NOTCH4: variants seen among roughly 807,000 people sequenced by gnomAD.
The protein encoded by NOTCH4 is neurogenic locus notch homolog protein 4.
Under a neutral mutation model 189.0 loss-of-function variants are expected in NOTCH4, and 138 were observed. The observed-to-expected ratio is 0.73, with a 90% confidence interval of 0.64 to 0.84. The LOEUF (loss-of-function observed/expected upper bound fraction) is 0.84. Among genes scored for constraint, NOTCH4 ranks in the 40% least tolerant of loss-of-function variants. NOTCH4 has a pLI of 0.00. For missense variants in NOTCH4, 2,286 were observed against 2,605.4 expected, an observed-to-expected ratio of 0.88 and a Z score of 2.67; for synonymous variants, 942 against 1,032.8, an observed-to-expected ratio of 0.91 and a Z score of 1.69.
chr6:32,216,613 G>A, intron 11 of NOTCH4: 1 of 453,706 alleles, frequency 2.2e-6, no homozygotes, highest in Non-Finnish European at 4.1e-6. Context: ...GATGGCAACT[G>A]TCTTACTCAG....
chr6:32,219,597 G>A lies in NOTCH4; in HGVS notation c.1505C>T (p.Pro502Leu), dbSNP rs759399611. 2.7e-5 allele frequency: 44 copies of A among 1,612,438 alleles called. No individual in the cohort carries two copies. The highest frequency in any genetic ancestry group is 3.3e-5 in the Non-Finnish European group (39 of 1,179,788). Residue 502 changes from proline (P) to leucine (L), a missense_variant, in exon 8 of 30, where the codon CCG (proline) becomes CTG (leucine). Physicochemically the swap from Pro to Leu is moderately conservative, Grantham distance 98 (BLOSUM62 -3). Transcript: ENST00000375023. The part of the protein sequence containing the change: ...DLLATFHCLC[P>L]PGLEGQLCEV... ...AGGCCCCATCCAGCTGATACCTGGC[G>A]GGCAGAGGCAGTGGAAGGTGGCAAG...
At chr6:32,206,010 C>T (rs903123808) in intron 18 of NOTCH4, among the ~76,000 whole-genome samples, 2 of 151,608 alleles carry the variant, frequency 1.3e-5, no homozygotes, top group African/African-American at 4.9e-5. Context: ...ACATTCCAGC[C>T]TGAGTGACAG....
rs887814717 is a variant in NOTCH4, at chr6:32,220,771, G to A, written c.907C>T (p.Pro303Ser). ...AACAACTCACCTGTCCAGGTTTCTG[G>A]GCAGAGGCAGGTGTAGGTGTCCAGC... ...DGLDTYTCLC[P>S]ETWTGWDCSE... The change falls in exon 5 of 30, where the codon CCA becomes TCA. Residue 303 changes from proline to serine, a missense_variant. Physicochemically the swap from Pro to Ser is moderately conservative, Grantham distance 74 (BLOSUM62 -1). This residue lies in a region of NOTCH4 where 1,903 missense variants were observed against 2,261.9 expected (regional missense o/e 0.84). Coordinates refer to ENST00000375023, the MANE Select transcript of NOTCH4 (RefSeq NM_004557.4). The A allele has an allele frequency of 2.0e-5, 32 of 1,614,048 alleles. No individual in the cohort carries two copies. Among genetic ancestry groups the A allele is most frequent in the Non-Finnish European group, 2.6e-5 (31 of 1,180,020 alleles).
Position 32,195,881 on chromosome 6 carries a change from C to T in NOTCH4, c.5568G>A (p.Gly1856=), listed in dbSNP as rs767989997. Residue 1856 remains glycine (G), a synonymous_variant, in exon 30 of 30, where the codon GGG becomes GGA. Coordinates refer to ENST00000375023, the MANE Select transcript of NOTCH4 (RefSeq NM_004557.4). The surrounding 1 kb of genome is among the most constrained non-coding windows in gnomAD (Gnocchi z 5.4). ...VSVSVPPHGG[G]ALPRCRTLSA... Reference sequence around the variant, plus strand: ...ACAGCGTCCGGCAGCGCGGCAGAGCCCCGCCCCCATGCGGGGGCACGCTTA... The same window carrying T: ...ACAGCGTCCGGCAGCGCGGCAGAGCTCCGCCCCCATGCGGGGGCACGCTTA... 1.2e-5 allele frequency: 19 copies of T among 1,591,438 alleles called. No individual in the cohort carries two copies. The South Asian group carries it at 2.0e-4, about 17-fold the overall frequency.
At position 32,195,198 on chromosome 6, in the gene NOTCH4, T is replaced by C; in HGVS notation, c.*239A>G. 1 of 535,994 alleles carries C rather than the reference T, an allele frequency of 1.9e-6. No homozygotes were observed. Among genetic ancestry groups the C allele is most frequent in the South Asian group, 2.8e-5 (1 of 35,894 alleles). 33.2% of individuals were successfully genotyped at this position (535,994 alleles called of 1,614,324 possible). ...CACTCCACTCTGCCCTCCTGTGGCC[T>C]GTCTTATTTTCTGGAGGAGGACTGG... On this transcript the variant is annotated 3_prime_UTR_variant, in exon 30 of 30. Transcript: ENST00000375023. This position sits in a 1 kb window ranked among gnomAD's most constrained non-coding sequence, Gnocchi z 5.4.
rs1205770396 is a variant in NOTCH4, at chr6:32,197,503, C to A, written c.4848G>T (p.Trp1616Cys). The change falls in exon 27 of 30, where the codon TGG (tryptophan) becomes TGT (cysteine). Residue 1616 changes from tryptophan (W) to cysteine (C), a missense_variant. Physicochemically the swap from Trp to Cys is radical, Grantham distance 215 (BLOSUM62 -2). Around this residue, in one of 2 missense-constraint regions of NOTCH4, gnomAD observed 1,903 missense variants for 2,261.9 expected, o/e 0.84. Coordinates refer to ENST00000375023, the MANE Select transcript of NOTCH4 (RefSeq NM_004557.4). ...QGAWLGCPEP[W>C]EPLLDGGACP... is the part of the protein sequence containing the mutation. ...AGGCCCCTCCATCCAGCAGAGGTTC[C>A]CAGGGCTCAGGACATCCCAACCATG... The A allele has an allele frequency of 6.2e-7, 1 of 1,608,006 alleles. No homozygotes were observed. The highest frequency in any genetic ancestry group is 1.7e-5 in the Admixed American group (1 of 58,728).
At chr6:32,196,483 C>T in intron 28 of NOTCH4, 62 bp from the exon 29 acceptor site, 2 of 1,588,878 alleles carry the variant, frequency 1.3e-6, no homozygotes, top group Non-Finnish European at 1.7e-6. Flanking sequence ...GTTCCGGTTT[C>T]CCACGGGTTC....
chr6:32,223,187 A>C (rs138623276), intron 1 of NOTCH4, 101 bp from the exon 2 acceptor site: 1 of 855,498 alleles, frequency 1.2e-6, no homozygotes, highest in East Asian at 2.4e-5. Context: ...CAGCTCCCAC[A>C]GGTACTCTAA....
intron 27 of NOTCH4, 94 bp from the exon 28 acceptor site, chr6:32,197,166 C>T (rs983884602): frequency 2.6e-6 from 4 of 1,528,656 alleles, no homozygotes; most frequent in African/African-American, 2.7e-5. Flanking sequence ...CCATATTCAG[C>T]CATCCTCCGC....
intron 14 of NOTCH4, 77 bp downstream of exon 14, chr6:32,213,611 A>T (rs1789170965): frequency 8.6e-6 from 13 of 1,510,756 alleles, no homozygotes; most frequent in African/African-American, 1.4e-5. Flanking sequence ...AATTTTAAAA[A>T]ATATGACACA....
At position 32,203,888 on chromosome 6, in the gene NOTCH4, A is replaced by G. The variant is rs1276112496; in HGVS notation, c.3119-6T>C. On this transcript the variant is annotated splice_polypyrimidine_tract_variant and splice_region_variant and intron_variant, in intron 19 of 29. Coordinates refer to ENST00000375023, the MANE Select transcript of NOTCH4 (RefSeq NM_004557.4). ...CTCCACCTCACACCACTGGCCTGTA[A>G]TTATGGGGGAGATTAGATGTCACAC... 4 of 1,550,998 alleles carry G rather than the reference A, an allele frequency of 2.6e-6. No homozygotes were observed. Among genetic ancestry groups the G allele is most frequent in the Non-Finnish European group, 3.5e-6 (4 of 1,146,714 alleles).
chr6:32,223,283 AC>A (rs537071428), intron 1 of NOTCH4, among the ~76,000 whole-genome samples, 197 bp from the exon 2 acceptor site: 67 of 149,074 alleles, frequency 4.5e-4, no homozygotes, highest in African/African-American at 1.2e-3. Context: ...ACTAATCCCT[AC>A]CCCCCTTTCC....
At position 32,197,473 on chromosome 6, in the gene NOTCH4, G is replaced by A. The variant is rs1280078359; in HGVS notation, c.4878C>T (p.Pro1626=). 1 of 1,594,234 alleles carries A rather than the reference G, an allele frequency of 6.3e-7. No homozygotes were observed. The highest frequency in any genetic ancestry group is 1.1e-5 in the South Asian group (1 of 88,784). Residue 1626 remains proline, a synonymous_variant, in exon 27 of 30, where the codon CCC becomes CCT. Coordinates refer to ENST00000375023, the MANE Select transcript of NOTCH4 (RefSeq NM_004557.4). ...WEPLLDGGAC[P]QAHTVGTGET... The stretch of plus-strand genomic sequence containing the variant: ...CCCCAGTGCCCACGGTGTGAGCCTG[G>A]GGACAGGCCCCTCCATCCAGCAGAG...
chr6:32,195,877 G>A lies in NOTCH4; in HGVS notation c.5572C>T (p.Leu1858=), dbSNP rs761997575. 1 of 1,592,734 alleles carries A rather than the reference G, an allele frequency of 6.3e-7. No individual in the cohort carries two copies. The highest frequency in any genetic ancestry group is 8.5e-7 in the Non-Finnish European group (1 of 1,176,616). Residue 1858 remains leucine (L), a synonymous_variant, in exon 30 of 30, where the codon CTG becomes TTG. Transcript: ENST00000375023. The surrounding 1 kb of genome is among the most constrained non-coding windows in gnomAD (Gnocchi z 5.4). Reference sequence around the variant, plus strand: ...GCTGACAGCGTCCGGCAGCGCGGCAGAGCCCCGCCCCCATGCGGGGGCACG... The same window carrying A: ...GCTGACAGCGTCCGGCAGCGCGGCAAAGCCCCGCCCCCATGCGGGGGCACG... ...VSVPPHGGGA[L]PRCRTLSAGA...
chr6:32,219,878 T>G, intron 7 of NOTCH4, 92 bp from the exon 8 acceptor site: 2 of 1,128,980 alleles, frequency 1.8e-6, no homozygotes, highest in Non-Finnish European at 2.5e-6. Flanking sequence ...GGCCTGCGTG[T>G]GGCAGACGAG....
rs204987 is a variant in NOTCH4 at position 32,201,155 on chromosome 6, C to A, written c.4101G>T (p.Thr1367=). 1.9e-6 allele frequency: 3 copies of A among 1,612,386 alleles called. No individual in the cohort carries two copies. In the East Asian group the frequency reaches 6.7e-5, roughly 36 times the overall value. ...AGTCGGTCTCCTTGCCCAGGGGCTGCGTTTGAGGGGCTGCTCTCTCCTGAT... is the reference window on the plus strand; with the variant it reads ...AGTCGGTCTCCTTGCCCAGGGGCTGAGTTTGAGGGGCTGCTCTCTCCTGAT... The part of the protein sequence containing the change: ...PTYQERAAPQ[T]QPLGKETDSL... The change falls in exon 22 of 30, where the codon ACG becomes ACT. Residue 1367 remains threonine (T), a synonymous_variant. Transcript: ENST00000375023. The surrounding 1 kb of genome is among the most constrained non-coding windows in gnomAD (Gnocchi z 5.5).
chr6:32,221,162 G>T lies in NOTCH4; in HGVS notation c.615C>A (p.Cys205Ter), dbSNP rs1789751484. Residue 205 changes from cysteine (C) to a stop codon, truncating the protein, a stop_gained, in exon 4 of 30, where the codon TGC (cysteine) becomes TGA (stop). Coordinates refer to ENST00000375023, the MANE Select transcript of NOTCH4 (RefSeq NM_004557.4). LOFTEE classifies it high-confidence loss of function. This position sits in a 1 kb window ranked among gnomAD's most constrained non-coding sequence, Gnocchi z 4.3. ...TGTTATGGCAGGAGGTGCCTTTGGG[G>T]CAGGGTCCTGGGTCCTGGAAGCACT... Reference protein sequence around the residue: ...VNECFQDPGPCPKGTSCHNTL... With the variant: ...VNECFQDPGP 3.7e-6 allele frequency: 6 copies of T among 1,613,100 alleles called. No individual in the cohort carries two copies. The highest frequency in any genetic ancestry group is 5.1e-6 in the Non-Finnish European group (6 of 1,180,028).
At chr6:32,204,429 G>GCCCAA (rs2127469643) in intron 18 of NOTCH4, 40 bp from the exon 19 acceptor site, 1 of 1,598,648 alleles carries the variant, frequency 6.3e-7, no homozygotes. Flanking sequence ...CAGTGGATGA[G>GCCCAA]CCCAACCCAG....
rs745927417 is a variant in NOTCH4 at position 32,215,363 on chromosome 6, C to A, written c.1884G>T (p.Leu628=). 3 of 1,610,596 alleles carry A rather than the reference C, an allele frequency of 1.9e-6. No individual in the cohort carries two copies. Among genetic ancestry groups the A allele is most frequent in the African/African-American group, 1.3e-5 (1 of 74,890 alleles). Residue 628 remains leucine, a synonymous_variant, in exon 12 of 30, where the codon CTG becomes CTT. Coordinates refer to ENST00000375023, the MANE Select transcript of NOTCH4 (RefSeq NM_004557.4). ...TGGGCTGGCACAGGTTGGGAGCACA[C>A]AGGGGAACCTCACAGAGCTGGCCTG... ...GFTGQLCEVP[L]CAPNLCQPKQ...
Sources: allele counts gnomAD v4.1 joint callset (sites outside exome capture counted in the v4.1 genomes callset), GRCh38; gene constraint gnomAD v4.1.1; regional missense constraint gnomAD v4.1.1; non-coding constraint Gnocchi (gnomAD v3.1); transcripts MANE v1.5; gene names NCBI Gene and HGNC (gene_info 2026-07-23, HGNC 2026-07-21).